The following CYTH1 variants were observed in gnomAD, a reference collection of about 807,000 sequenced individuals.
The protein encoded by CYTH1 is cytohesin-1.
In CYTH1, 18 loss-of-function variants were observed where a neutral mutation model predicts 61.8. The observed-to-expected ratio is 0.29, with a 90% CI of 0.20 to 0.43. The LOEUF (loss-of-function observed/expected upper bound fraction) is 0.43. Ranked by LOEUF, CYTH1 falls within the 20% of genes least tolerant of loss-of-function variation. The probability of loss-of-function intolerance (pLI) is 1.00; values close to 1 mark genes in which losing one functional copy is unlikely to be tolerated. For missense variants in CYTH1, 336 were observed against 510.5 expected (o/e 0.66, Z 3.29); for synonymous variants, 174 against 184.3 (o/e 0.94, Z 0.45).
intron 11 of CYTH1, 56 bp downstream of exon 11, chr17:78,692,361 T>C (rs1199279314): frequency 6.4e-7 from 1 of 1,562,846 alleles, no homozygotes; most frequent in Non-Finnish European, 8.8e-7. Flanking sequence ...TTAGAGACAC[T>C]TGGAACCGGA....
At chr17:78,708,087 A>G in intron 3 of CYTH1, 110 bp downstream of exon 3, 5 of 1,093,302 alleles carry the variant, frequency 4.6e-6, no homozygotes, top group Non-Finnish European at 6.9e-6. Context: ...TAGAATTAGA[A>G]AGACACAAAG....
At chr17:78,677,011 C>T (rs1433269263) in intron 13 of CYTH1, 1 of 455,974 alleles carries the variant, frequency 2.2e-6, no homozygotes, top group East Asian at 6.9e-5. Context: ...TGAACGGTGG[C>T]ACCAGCAGCT....
At chr17:78,753,869 C>A (rs991994950) in intron 1 of CYTH1, among the ~76,000 whole-genome samples, 1 of 152,116 alleles carries the variant, frequency 6.6e-6, no homozygotes, top group Non-Finnish European at 1.5e-5. Flanking sequence ...CACCAAAAAA[C>A]CCTTGCAGAA....
chr17:78,757,985 T>G (rs77065446), intron 1 of CYTH1, among the ~76,000 whole-genome samples: 2,102 of 152,224 alleles, frequency 0.014, 49 homozygotes, highest in African/African-American at 0.048. Context: ...ACAAGTATCA[T>G]CATATACTGG....
chr17:78,721,364 C>T (rs150491480), intron 1 of CYTH1, among the ~76,000 whole-genome samples: 11 of 152,270 alleles, frequency 7.2e-5, no homozygotes, highest in African/African-American at 2.6e-4. Flanking sequence ...CACACACTAC[C>T]CAGGACCAAA....
chr17:78,707,669 G>T (rs1042202429), intron 3 of CYTH1, among the ~76,000 whole-genome samples: 2 of 151,412 alleles, frequency 1.3e-5, no homozygotes, highest in Admixed American at 6.6e-5. Context: ...GACCTTTGAA[G>T]TTCTCCAGTT....
At chr17:78,762,097 T>C (rs142650091) in intron 1 of CYTH1, among the ~76,000 whole-genome samples, 2 of 152,324 alleles carry the variant, frequency 1.3e-5, no homozygotes, top group African/African-American at 4.8e-5. Flanking sequence ...AATAAACTTC[T>C]TTTTCCTATC....
chr17:78,738,133 G>T (rs1004664547), intron 1 of CYTH1, among the ~76,000 whole-genome samples: 2 of 152,122 alleles, frequency 1.3e-5, no homozygotes, highest in African/African-American at 4.8e-5. Context: ...ATTCTCACAA[G>T]TAGAACTGCT....
intron 1 of CYTH1, among the ~76,000 whole-genome samples, chr17:78,759,465 TAA>T (rs558208810): frequency 4.1e-4 from 62 of 152,108 alleles, no homozygotes; most frequent in Non-Finnish European, 7.4e-4. Flanking sequence ...AGCTGCAACA[TAA>T]AGAGACGGTA....
At chr17:78,709,905 A>T (rs1008210020) in intron 1 of CYTH1, among the ~76,000 whole-genome samples, 173 bp from the exon 2 acceptor site, 1 of 152,260 alleles carries the variant, frequency 6.6e-6, no homozygotes, top group African/African-American at 2.4e-5. Context: ...TTTCTAAGAA[A>T]GGAAGGCCCT....
chr17:78,757,482 A>T (rs1307253927), intron 1 of CYTH1, among the ~76,000 whole-genome samples: 2 of 152,164 alleles, frequency 1.3e-5, no homozygotes, highest in Non-Finnish European at 2.9e-5. Context: ...GTATCTGTTG[A>T]ATAGATGAAT....
At chr17:78,706,524 G>C (rs1261773431) in intron 3 of CYTH1, among the ~76,000 whole-genome samples, 5 of 152,190 alleles carry the variant, frequency 3.3e-5, no homozygotes, top group African/African-American at 1.2e-4. Context: ...TGTTTATCCA[G>C]TCACCTGCTG....
At chr17:78,720,986 A>C (rs1406864286) in intron 1 of CYTH1, among the ~76,000 whole-genome samples, 2 of 152,238 alleles carry the variant, frequency 1.3e-5, no homozygotes, top group African/African-American at 2.4e-5. Flanking sequence ...TGCGTAGTGC[A>C]TTTTAAAATA....
chr17:78,694,107 T>C (rs1249378909), intron 10 of CYTH1, among the ~76,000 whole-genome samples: 1 of 152,150 alleles, frequency 6.6e-6, no homozygotes, highest in Non-Finnish European at 1.5e-5. Context: ...AGTATGCAAA[T>C]AATGTTATGA....
chr17:78,731,750 C>T (rs1416631967), intron 1 of CYTH1, among the ~76,000 whole-genome samples: 8 of 123,776 alleles, frequency 6.5e-5, no homozygotes, highest in Admixed American at 9.7e-5. Context: ...AGCGAGACTC[C>T]GTCTCAAAAA....
chr17:78,754,630 G>C (rs577338109), intron 1 of CYTH1, among the ~76,000 whole-genome samples: 75 of 152,238 alleles, frequency 4.9e-4, no homozygotes, highest in African/African-American at 1.8e-3. Flanking sequence ...TTACAGGTGT[G>C]AGCCATCATG....
At chr17:78,677,307 C>T (rs1297091821) in intron 13 of CYTH1, 88 of 350,688 alleles carry the variant, frequency 2.5e-4, no homozygotes, top group South Asian at 1.7e-3. Context: ...CAGAGAGGTG[C>T]GTGTGGCACT....
In CYTH1 at chr17:78,688,087, T is replaced by C. The variant is rs533317629; in HGVS notation, c.891+4330A>G. Among the ~76,000 whole-genome samples, 7 of 152,358 alleles carry C rather than the reference T, an allele frequency of 4.6e-5. No homozygotes were observed. In the South Asian group the frequency reaches 1.2e-3, roughly 27 times the overall value. On this transcript the variant is annotated intron_variant, in intron 11 of 13. Coordinates refer to ENST00000446868, the MANE Select transcript of CYTH1 (RefSeq NM_004762.6). ...TGTTGTTAAGTTCAGGTGACACTTT[T>C]TGGCTAGCCAGCACTTCTCTATGGA... is the stretch of plus-strand genomic sequence containing the variant.
intron 1 of CYTH1, among the ~76,000 whole-genome samples, chr17:78,769,054 G>C (rs532724385): frequency 6.6e-6 from 1 of 151,732 alleles, no homozygotes; most frequent in African/African-American, 2.4e-5. Flanking sequence ...GCTGAGGCAC[G>C]AGAATCACTT....
Sources: gnomAD v4.1 joint callset for allele counts (sites outside exome capture counted in the v4.1 genomes callset) on GRCh38, gnomAD v4.1.1 for gene constraint, MANE v1.5 for transcripts, NCBI Gene and HGNC (gene_info 2026-07-23, HGNC 2026-07-21) for gene names.